Variants in XCL2 observed in about 807,000 individuals in gnomAD.
The protein encoded by XCL2 is X-C motif chemokine ligand 2, also known as cytokine SCM-1 beta.
In XCL2, 8 loss-of-function variants were observed where a neutral mutation model predicts 7.2. The observed-to-expected ratio is 1.10, with a 90% CI of 0.65 to 1.99. The LOEUF is 1.99. Among genes scored for constraint, XCL2 ranks in the 30% most tolerant of loss-of-function variants. The probability of loss-of-function intolerance (pLI) is 0.00; values close to 1 mark genes in which losing one functional copy is unlikely to be tolerated. For missense variants in XCL2, 131 were observed against 138.6 expected, an observed-to-expected ratio of 0.94 and a Z score of 0.28; for synonymous variants, 46 against 54.2, an observed-to-expected ratio of 0.85 and a Z score of 0.67.
At position 168,540,859 on chromosome 1, in the gene XCL2, G is replaced by A. The variant is rs1387085491; in HGVS notation, c.*93C>T. Reference sequence around the variant, plus strand: ...ACAAAGGAATAATTTTATTCATGCAGTGCTTTCATAAAAGGTGAGTATAAT... The same window carrying A: ...ACAAAGGAATAATTTTATTCATGCAATGCTTTCATAAAAGGTGAGTATAAT... On this transcript the variant is annotated 3_prime_UTR_variant, in exon 3 of 3. Coordinates refer to ENST00000367819, the MANE Select transcript of XCL2 (RefSeq NM_003175.4). 1.4e-6 allele frequency: 2 copies of A among 1,417,076 alleles called. No homozygotes were observed. Among genetic ancestry groups the A allele is most frequent in the Non-Finnish European group, 1.9e-6 (2 of 1,059,604 alleles). 87.8% of individuals were successfully genotyped at this position (1,417,076 alleles called of 1,614,324 possible). A position where few individuals can be genotyped will look rare whatever the true frequency, so the allele number is the denominator to read the frequency against.
At chr1:168,542,940 C>G (rs1654320494) in intron 1 of XCL2, 2 of 290,640 alleles carry the variant, frequency 6.9e-6, no homozygotes, top group Non-Finnish European at 1.3e-5. Context: ...CTGCAAAGAG[C>G]TATCCTCTAT....
intron 2 of XCL2, among the ~76,000 whole-genome samples, chr1:168,541,441 A>G (rs1654280663): frequency 6.6e-6 from 1 of 151,746 alleles, no homozygotes. Flanking sequence ...TCCTTTTCAA[A>G]TTTGAAAATA....
Position 168,541,985 on chromosome 1 carries a change from A to T in XCL2, c.176+8T>A. 4 of 1,610,494 alleles carry T rather than the reference A, an allele frequency of 2.5e-6. No homozygotes were observed. The highest frequency in any genetic ancestry group is 3.4e-6 in the Non-Finnish European group (4 of 1,178,168). ...CACCCAGCCCAACTTCTGAGGAGGC[A>T]GACTCACATTACTGCTCTCAAGGAG... is the stretch of plus-strand genomic sequence containing the variant. On this transcript the variant is annotated splice_region_variant and intron_variant, in intron 2 of 2. Coordinates refer to ENST00000367819, the MANE Select transcript of XCL2 (RefSeq NM_003175.4).
chr1:168,543,979 T>C lies in XCL2; in HGVS notation c.-15A>G, dbSNP rs779176152. The C allele has an allele frequency of 2.5e-6, 4 of 1,600,654 alleles. No individual in the cohort carries two copies. Among genetic ancestry groups the C allele is most frequent in the Non-Finnish European group, 3.4e-6 (4 of 1,173,544 alleles). On this transcript the variant is annotated 5_prime_UTR_variant, in exon 1 of 3. Transcript: ENST00000367819. ...AGAAGTCTCATGGCTGAGGTCCCGC[T>C]GAGCTGTGCAGGGAGAGTGAGGATC...
intron 1 of XCL2, 126 bp downstream of exon 1, chr1:168,543,778 A>G (rs1407530125): frequency 2.4e-6 from 3 of 1,275,618 alleles, no homozygotes; most frequent in African/African-American, 1.5e-5. Flanking sequence ...TTTCTTGCAC[A>G]TGGGAAGTTT....
intron 2 of XCL2, among the ~76,000 whole-genome samples, chr1:168,541,559 A>T (rs879346294): frequency 6.6e-6 from 1 of 152,180 alleles, no homozygotes. Flanking sequence ...AGATTCTGGT[A>T]GAAGAAAGGG....
chr1:168,543,429 C>CT (rs1468756947), intron 1 of XCL2: 1 of 178,808 alleles, frequency 5.6e-6, no homozygotes, highest in Non-Finnish European at 1.2e-5. Context: ...ACTGAACTCT[C>CT]TAAGATTTTG....
In XCL2 at chr1:168,541,066, C is replaced by T; in HGVS notation, c.231G>A (p.Val77=). 3.1e-6 allele frequency: 5 copies of T among 1,613,730 alleles called. No homozygotes were observed. The highest frequency in any genetic ancestry group is 2.2e-5 in the South Asian group (2 of 91,072). ...KVCADPQATW[V]RDVVRSMDRK... is the part of the protein sequence containing the mutation. ...TGTCCATGCTCCTGACCACGTCTCT[C>T]ACCCACGTGGCTTGTGGATCAGCAC... Residue 77 remains valine, a synonymous_variant, in exon 3 of 3, where the codon GTG becomes GTA. Coordinates refer to ENST00000367819, the MANE Select transcript of XCL2 (RefSeq NM_003175.4).
In XCL2 at chr1:168,540,832, A is replaced by G; in HGVS notation, c.*120T>C. The G allele has an allele frequency of 1.6e-6, 2 of 1,214,458 alleles. No individual in the cohort carries two copies. The highest frequency in any genetic ancestry group is 2.2e-6 in the Non-Finnish European group (2 of 900,972). 75.2% of individuals were successfully genotyped at this position (1,214,458 alleles called of 1,614,324 possible). A position where few individuals can be genotyped will look rare whatever the true frequency, so the allele number is the denominator to read the frequency against. On this transcript the variant is annotated 3_prime_UTR_variant, in exon 3 of 3. Transcript: ENST00000367819. ...ATACAGAAGACATTTAAAAGTAAAA[A>G]TACAAAGGAATAATTTTATTCATGC...
rs1046854180 is a variant in XCL2 at position 168,541,841 on chromosome 1, T to C, written c.176+152A>G. On this transcript the variant is annotated intron_variant, in intron 2 of 2. Transcript: ENST00000367819. ...TATTCGGTTGGGCTGCAGAAAGACA[T>C]GGTTGATAAGGAAAACTAAAGAGGT... 4.8e-6 allele frequency: 3 copies of C among 630,030 alleles called. No individual in the cohort carries two copies. The African/African-American group carries it at 5.5e-5, about 12-fold the overall frequency. 39.0% of individuals were successfully genotyped at this position (630,030 alleles called of 1,614,324 possible).
chr1:168,543,121 C>T, intron 1 of XCL2: 1 of 342,674 alleles, frequency 2.9e-6, no homozygotes, highest in South Asian at 2.6e-5. Context: ...AAGGGGTTGT[C>T]CCCACTAGGA....
Position 168,541,539 on chromosome 1 carries a change from T to C in XCL2, c.177-419A>G, listed in dbSNP as rs548361489. 9.8e-5 allele frequency among the ~76,000 whole-genome samples: 15 copies of C among 152,296 alleles called. No homozygotes were observed. The South Asian group carries it at 2.9e-3, about 29-fold the overall frequency. ...ATATGTATTGGGAAGAGTTATTACT[T>C]CTAAAAATGAGATTCTGGTAGAAGA... is the stretch of plus-strand genomic sequence containing the variant. On this transcript the variant is annotated intron_variant, in intron 2 of 2. Coordinates refer to ENST00000367819, the MANE Select transcript of XCL2 (RefSeq NM_003175.4).
chr1:168,541,461 T>C (rs1407315744), intron 2 of XCL2, among the ~76,000 whole-genome samples: 1 of 114,528 alleles, frequency 8.7e-6, no homozygotes, highest in African/African-American at 3.4e-5. Context: ...ACTCATCTTA[T>C]TTTTTTTAAA....
Position 168,543,934 on chromosome 1 carries a change from T to G in XCL2, c.31A>C (p.Ile11Leu), listed in dbSNP as rs761427380. 3.1e-6 allele frequency: 5 copies of G among 1,610,652 alleles called. No individual in the cohort carries two copies. Among genetic ancestry groups the G allele is most frequent in the East Asian group, 4.5e-5 (2 of 44,812 alleles). The stretch of plus-strand genomic sequence containing the variant: ...ACAATGTATGCAGTGAGAGAGCAGA[T>G]GCCAAGGAGGGCCAGGATGAGAAGT... MRLLILALLG[I>L]CSLTAYIVEG... The change falls in exon 1 of 3, where the codon ATC becomes CTC. Residue 11 changes from isoleucine (I) to leucine (L), a missense_variant. Transcript: ENST00000367819.
At chr1:168,542,187 C>A in intron 1 of XCL2, 80 bp from the exon 2 acceptor site, 2 of 1,252,378 alleles carry the variant, frequency 1.6e-6, no homozygotes, top group Admixed American at 2.7e-5. Context: ...TGTTAAATTA[C>A]TCTGAGAATG....
Position 168,540,965 on chromosome 1 carries a change from G to A in XCL2, c.332C>T (p.Thr111Ile), listed in dbSNP as rs1309107883. ...TGCCAGAGACTACTAGCCAGTCAGG[G>A]TCACAGCTGTATTGGTCGATTGCTG... ...GTQQSTNTAVTLTG is the reference protein window; with the variant it reads ...GTQQSTNTAVILTG The change falls in exon 3 of 3, where the codon ACC (threonine) becomes ATC (isoleucine). Residue 111 changes from threonine to isoleucine, a missense_variant. Physicochemically the swap from Thr to Ile is moderately conservative, Grantham distance 89 (BLOSUM62 -1). Transcript: ENST00000367819. 2.5e-6 allele frequency: 4 copies of A among 1,613,606 alleles called. No homozygotes were observed. The highest frequency in any genetic ancestry group is 2.2e-5 in the South Asian group (2 of 91,060).
intron 1 of XCL2, 65 bp from the exon 2 acceptor site, chr1:168,542,172 T>A (rs1336991061): frequency 4.1e-5 from 56 of 1,349,494 alleles, no homozygotes; most frequent in Non-Finnish European, 5.3e-5. Flanking sequence ...ACAGGAACAA[T>A]CGTCTGTTAA....
chr1:168,541,931 T>C lies in XCL2; in HGVS notation c.176+62A>G, dbSNP rs528812710. On this transcript the variant is annotated intron_variant, in intron 2 of 2. Transcript: ENST00000367819. Reference sequence around the variant, plus strand: ...TTTCCTGAGGATGGCAGCATTTCTATAGAGTGTATTTCTATACCTCTAGGT... The same window carrying C: ...TTTCCTGAGGATGGCAGCATTTCTACAGAGTGTATTTCTATACCTCTAGGT... The C allele has an allele frequency of 1.1e-4, 159 of 1,507,776 alleles. 2 individuals are homozygous for C. In the African/African-American group the frequency reaches 1.2e-3, roughly 12 times the overall value. The allele number at this position is 1,507,776 out of a possible 1,614,324, so 93.4% of individuals were successfully genotyped here.
chr1:168,542,210 A>T, intron 1 of XCL2, 103 bp from the exon 2 acceptor site: 1 of 1,039,370 alleles, frequency 9.6e-7, no homozygotes, highest in Non-Finnish European at 1.3e-6. Context: ...GTGAGAATAT[A>T]AGGCCATTTG....
Sources: allele counts gnomAD v4.1 joint callset (sites outside exome capture counted in the v4.1 genomes callset), GRCh38; gene constraint gnomAD v4.1.1; transcripts MANE v1.5; gene names NCBI Gene and HGNC (gene_info 2026-07-23, HGNC 2026-07-21).